The following GYG2 variants were observed in gnomAD, a reference collection of about 807,000 sequenced individuals.
GYG2 encodes the protein glycogenin 2.
Under a neutral mutation model 29.4 loss-of-function variants are expected in GYG2, and 29 were observed. That is an observed-to-expected ratio of 0.99 (90% confidence interval 0.74 to 1.35). The LOEUF is 1.35. GYG2 is among the 40% of genes most tolerant of loss of function. GYG2 has a pLI of 0.00. For synonymous variants in GYG2, 167 were observed against 172.3 expected (o/e 0.97, Z 0.24); for missense variants, 370 against 385.7 (o/e 0.96, Z 0.34).
At chrX:2,860,292 G>A (rs752849345) in intron 7 of GYG2, among the ~76,000 whole-genome samples, 104 of 111,402 alleles carry the variant, frequency 9.3e-4, no homozygotes, top group Admixed American at 7.7e-4. Context: ...TAGGCCTGGT[G>A]CAGAAATAGG....
rs746724137 is a variant in GYG2 at position 2,879,419 on chromosome X, G to A, written c.1252-1633G>A. On this transcript the variant is annotated intron_variant, in intron 10 of 10. Transcript: ENST00000398806. ...GGTAGCTGGGACTACAGTCACCCAC[G>A]ACCAAGCCCGGCTAATTTTTGTATT... 9.1e-5 allele frequency among the ~76,000 whole-genome samples: 10 copies of A among 109,686 alleles called. No individual in the cohort carries two copies. The East Asian group carries it at 1.7e-3, about 19-fold the overall frequency.
intron 8 of GYG2, among the ~76,000 whole-genome samples, chrX:2,868,571 G>A (rs1056318954): frequency 3.6e-5 from 4 of 109,877 alleles, no homozygotes; most frequent in Non-Finnish European, 5.7e-5. Flanking sequence ...TGAATACTGC[G>A]TCGGGGAAAT....
At chrX:2,869,381 T>C (rs1603460195) in intron 8 of GYG2, among the ~76,000 whole-genome samples, 1 of 111,103 alleles carries the variant, frequency 9.0e-6, no homozygotes. Flanking sequence ...CAATCCTCCA[T>C]GGATATCAGG....
chrX:2,846,036 CATATAT>C (rs199823755), intron 3 of GYG2, among the ~76,000 whole-genome samples: 14 of 33,057 alleles, frequency 4.2e-4, no homozygotes, highest in African/African-American at 1.4e-3. Context: ...TATATATACA[CATATAT>C]ATATATATAT....
At chrX:2,862,613 A>G (rs1318990198) in intron 8 of GYG2, among the ~76,000 whole-genome samples, 1 of 111,867 alleles carries the variant, frequency 8.9e-6, no homozygotes, top group Non-Finnish European at 1.9e-5. Flanking sequence ...GTTGACCTGC[A>G]CAGTGGTGTC....
intron 2 of GYG2, among the ~76,000 whole-genome samples, chrX:2,839,186 T>A (rs1463511659): frequency 8.9e-6 from 1 of 111,985 alleles, no homozygotes; most frequent in Non-Finnish European, 1.9e-5. Flanking sequence ...TTTTGTTTCC[T>A]TTAGAATAGA....
chrX:2,853,860 T>C (rs1213052814), intron 3 of GYG2, 120 bp from the exon 4 acceptor site: 3 of 508,217 alleles, frequency 5.9e-6, no homozygotes, highest in Non-Finnish European at 1.0e-5. Context: ...GTGAGGGCTG[T>C]GGGGATTCTC....
chrX:2,871,683 C>A (rs2088473191), intron 8 of GYG2, among the ~76,000 whole-genome samples: 1 of 103,795 alleles, frequency 9.6e-6, no homozygotes, highest in African/African-American at 3.5e-5. Context: ...GAACGAGACT[C>A]CGTCTCAAAT....
chrX:2,876,817 T>C (rs7065465), intron 9 of GYG2, among the ~76,000 whole-genome samples: 53,652 of 108,035 alleles, frequency 0.5, 10,038 homozygotes, highest in Non-Finnish European at 0.57. Flanking sequence ...GGCGTGGTGG[T>C]GGGCGCCTGT....
At chrX:2,849,704 A>G (rs5982894) in intron 3 of GYG2, among the ~76,000 whole-genome samples, 3,110 of 112,396 alleles carry the variant, frequency 0.028, 114 homozygotes, top group African/African-American at 0.096. Flanking sequence ...TTAGTACCGT[A>G]ATTTGAAAGC....
chrX:2,867,843 C>T (rs1365769628), intron 8 of GYG2, among the ~76,000 whole-genome samples: 2 of 112,076 alleles, frequency 1.8e-5, no homozygotes, highest in Admixed American at 1.9e-4. Flanking sequence ...GTCTGTAATC[C>T]CAACACTTTG....
In GYG2 at chrX:2,854,713, C is replaced by T. The variant is rs140568338; in HGVS notation, c.325-280C>T. ...CTTTGGGAGCTTGAGATGGGTGGAT[C>T]ACTTGAGGCCAGGAGTTTGAGACCA... On this transcript the variant is annotated intron_variant, in intron 4 of 10. Transcript: ENST00000398806. Among the ~76,000 whole-genome samples, 342 of 111,797 alleles carry T rather than the reference C, an allele frequency of 3.1e-3. 2 individuals carry two copies. The highest frequency in any genetic ancestry group is 0.01 in the African/African-American group (321 of 30,766).
intron 7 of GYG2, 89 bp downstream of exon 7, chrX:2,860,154 C>T (rs1292524709): frequency 1.1e-5 from 6 of 527,474 alleles, no homozygotes; most frequent in Non-Finnish European, 1.8e-5. Flanking sequence ...TTTTGAAATG[C>T]CCCTTTTTTG....
At chrX:2,878,113 T>G in intron 10 of GYG2, 1 of 748,065 alleles carries the variant, frequency 1.3e-6, no homozygotes, top group Non-Finnish European at 1.6e-6. Context: ...ATGTATCCCT[T>G]CAGCATGTTC....
At position 2,881,369 on chromosome X, in the gene GYG2, T is replaced by C; in HGVS notation, c.*156T>C. On this transcript the variant is annotated 3_prime_UTR_variant, in exon 11 of 11. Transcript: ENST00000398806. Reference sequence around the variant, plus strand: ...ATTTGAGTGCCTCACACAAAAAACGTAGAGTATAGAAATCCACCTTAAAGC... The same window carrying C: ...ATTTGAGTGCCTCACACAAAAAACGCAGAGTATAGAAATCCACCTTAAAGC... 2.2e-6 allele frequency: 1 copy of C among 462,896 alleles called. No individual in the cohort carries two copies. The highest frequency in any genetic ancestry group is 3.5e-6 in the Non-Finnish European group (1 of 284,753). 38.1% of individuals were successfully genotyped at this position (462,896 alleles called of 1,213,427 possible).
rs2087996762 is a variant in GYG2, at chrX:2,856,733, C to CATCTATG, written c.614+109_614+110insATCTATG. ...ATATTTAAAAACTCTATCTATCTATCTATCATCTATCTATCTATGTATCTA... is the reference window on the plus strand; with the variant it reads ...ATATTTAAAAACTCTATCTATCTATCATCTATGTATCATCTATCTATCTATGTATCTA... On this transcript the variant is annotated intron_variant, in intron 6 of 10. Transcript: ENST00000398806. The CATCTATG allele has an allele frequency of 2.5e-5, 13 of 514,007 alleles. No homozygotes were observed. In the Middle Eastern group the frequency reaches 2.4e-3, roughly 93 times the overall value. 42.4% of individuals were successfully genotyped at this position (514,007 alleles called of 1,213,427 possible). A position where few individuals can be genotyped will look rare whatever the true frequency, so the allele number is the denominator to read the frequency against.
intron 3 of GYG2, among the ~76,000 whole-genome samples, chrX:2,851,665 G>C (rs779436541): frequency 8.9e-6 from 1 of 112,268 alleles, no homozygotes; most frequent in East Asian, 2.8e-4. Context: ...CATGATGTCT[G>C]TATGTCCTGA....
chrX:2,853,865 A>G, intron 3 of GYG2, 115 bp from the exon 4 acceptor site: 2 of 519,378 alleles, frequency 3.9e-6, no homozygotes, highest in Non-Finnish European at 6.7e-6. Context: ...GGCTGTGGGG[A>G]TTCTCTTTGC....
At chrX:2,880,415 AGTGTGTGT>A (rs34658826) in intron 10 of GYG2, among the ~76,000 whole-genome samples, 5 of 101,116 alleles carry the variant, frequency 4.9e-5, no homozygotes, top group African/African-American at 1.4e-4. Context: ...GTATTAAATT[AGTGTGTGT>A]GTGTGTGTGT....
Sources: allele counts gnomAD v4.1 joint callset (sites outside exome capture counted in the v4.1 genomes callset), GRCh38; gene constraint gnomAD v4.1.1; transcripts MANE v1.5; gene names NCBI Gene and HGNC (gene_info 2026-07-23, HGNC 2026-07-21).